The following MYO6 variants were observed in gnomAD, a reference collection of about 807,000 sequenced individuals.
The protein encoded by MYO6 is unconventional myosin-VI.
In MYO6, 74 loss-of-function variants were observed where a neutral mutation model predicts 178.7. That is an observed-to-expected ratio of 0.41 (90% CI 0.34 to 0.50). The LOEUF is 0.50. Among genes scored for constraint, MYO6 ranks in the 20% least tolerant of loss-of-function variants. MYO6 has a pLI of 0.09. For missense variants in MYO6, 1,330 were observed against 1,547.4 expected, an observed-to-expected ratio of 0.86 and a Z score of 2.36; for synonymous variants, 477 against 504.6, an observed-to-expected ratio of 0.95 and a Z score of 0.73.
intron 3 of MYO6, among the ~76,000 whole-genome samples, chr6:75,825,550 G>A (rs934907388): frequency 2.6e-5 from 4 of 152,154 alleles, no homozygotes; most frequent in Non-Finnish European, 4.4e-5. Flanking sequence ...CCGAGATCAC[G>A]CTGTTGCACT....
intron 1 of MYO6, among the ~76,000 whole-genome samples, chr6:75,783,478 G>A (rs899404710): frequency 6.6e-6 from 1 of 151,874 alleles, no homozygotes; most frequent in Non-Finnish European, 1.5e-5. Flanking sequence ...TGGCTCACAG[G>A]GTAGAGGTCT....
intron 18 of MYO6, among the ~76,000 whole-genome samples, chr6:75,870,037 C>T (rs985836727): frequency 6.6e-6 from 1 of 151,844 alleles, no homozygotes; most frequent in African/African-American, 2.4e-5. Flanking sequence ...TGGCGTGAAC[C>T]CGGGAGGTGG....
intron 26 of MYO6, among the ~76,000 whole-genome samples, chr6:75,890,502 G>A (rs1466736437): frequency 1.3e-5 from 2 of 152,020 alleles, no homozygotes; most frequent in Non-Finnish European, 2.9e-5. Flanking sequence ...GCACCACCAC[G>A]CCTGGCTAAT....
intron 20 of MYO6, among the ~76,000 whole-genome samples, chr6:75,877,956 G>A (rs1357625734): frequency 6.6e-6 from 1 of 152,102 alleles, no homozygotes; most frequent in Non-Finnish European, 1.5e-5. Context: ...CATTTCCAAA[G>A]GTACTTGTTT....
Position 75,840,307 on chromosome 6 carries a change from A to T in MYO6, c.554-278A>T, listed in dbSNP as rs558699279. 9.9e-5 allele frequency among the ~76,000 whole-genome samples: 15 copies of T among 151,934 alleles called. No individual in the cohort carries two copies. In the South Asian group the frequency reaches 1.7e-3, roughly 17 times the overall value. On this transcript the variant is annotated intron_variant, in intron 7 of 34. Coordinates refer to ENST00000369977, the MANE Select transcript of MYO6 (RefSeq NM_004999.4). ...CTCCCAAATAACTGGGATTACAGGC[A>T]TGCACCTCCACGCCTGGCTAATTTT...
At chr6:75,799,277 C>T (rs1769182550) in intron 1 of MYO6, among the ~76,000 whole-genome samples, 1 of 151,886 alleles carries the variant, frequency 6.6e-6, no homozygotes, top group Admixed American at 6.6e-5. Context: ...GTAATCCCAG[C>T]TACTAGGGAG....
chr6:75,895,812 G>A (rs753256619), intron 29 of MYO6, among the ~76,000 whole-genome samples: 4 of 151,892 alleles, frequency 2.6e-5, no homozygotes, highest in Non-Finnish European at 4.4e-5. Context: ...CACTGTGCCC[G>A]GCCTGTTTTA....
In MYO6 at chr6:75,855,199, G is replaced by T. The variant is rs1490446690; in HGVS notation, c.1139G>T (p.Gly380Val). The T allele has an allele frequency of 1.6e-5, 26 of 1,613,336 alleles. No individual in the cohort carries two copies. Among genetic ancestry groups the T allele is most frequent in the Non-Finnish European group, 2.0e-5 (24 of 1,179,558 alleles). Reference sequence around the variant, plus strand: ...TTGGAATATTGTGCTGAATTACTGGGTTTGGACCAAGATGATCTTCGAGTA... The same window carrying T: ...TTGGAATATTGTGCTGAATTACTGGTTTTGGACCAAGATGATCTTCGAGTA... Reference protein sequence around the residue: ...QSLEYCAELLGLDQDDLRVSL... With the variant: ...QSLEYCAELLVLDQDDLRVSL... Residue 380 changes from glycine (G) to valine (V), a missense_variant, in exon 12 of 35, where the codon GGT becomes GTT. Around this residue, in one of 3 missense-constraint regions of MYO6, gnomAD observed 613 missense variants for 816.8 expected, o/e 0.75. Coordinates refer to ENST00000369977, the MANE Select transcript of MYO6 (RefSeq NM_004999.4).
At chr6:75,781,712 G>A (rs1766997321) in intron 1 of MYO6, among the ~76,000 whole-genome samples, 1 of 152,030 alleles carries the variant, frequency 6.6e-6, no homozygotes, top group African/African-American at 2.4e-5. Context: ...ACGAGGTCAG[G>A]AGTTCAGAGA....
chr6:75,881,137 C>A (rs755893859), intron 22 of MYO6, among the ~76,000 whole-genome samples: 5 of 152,062 alleles, frequency 3.3e-5, no homozygotes, highest in Non-Finnish European at 5.9e-5. Flanking sequence ...CCTGTAATCT[C>A]AGCTACTTGG....
chr6:75,800,831 G>A (rs981288869), intron 1 of MYO6, among the ~76,000 whole-genome samples: 1 of 152,066 alleles, frequency 6.6e-6, no homozygotes, highest in South Asian at 2.1e-4. Context: ...AGCAGTTCTC[G>A]TGTGTCAGCC....
At chr6:75,773,118 G>A (rs987268528) in intron 1 of MYO6, among the ~76,000 whole-genome samples, 4 of 152,190 alleles carry the variant, frequency 2.6e-5, no homozygotes, top group Non-Finnish European at 4.4e-5. Flanking sequence ...ATAAACATGA[G>A]TGGTGAGAAT....
intron 30 of MYO6, among the ~76,000 whole-genome samples, chr6:75,898,844 A>G (rs1779513631): frequency 6.6e-6 from 1 of 152,226 alleles, no homozygotes; most frequent in African/African-American, 2.4e-5. Flanking sequence ...GGGGCTCTGC[A>G]CTGTGGCACA....
intron 24 of MYO6, 45 bp downstream of exon 24, chr6:75,886,139 C>G (rs759561458): frequency 1.6e-5 from 20 of 1,274,948 alleles, no homozygotes; most frequent in Non-Finnish European, 2.3e-5. Context: ...AACCTAGTTA[C>G]TGTAATACAA....
chr6:75,899,482 CAAAT>C (rs1779563509), intron 30 of MYO6, among the ~76,000 whole-genome samples: 1 of 151,804 alleles, frequency 6.6e-6, no homozygotes, highest in Non-Finnish European at 1.5e-5. Context: ...GTAGAAAAGA[CAAAT>C]AATATTTGAA....
intron 1 of MYO6, among the ~76,000 whole-genome samples, chr6:75,795,942 G>C (rs574363452): frequency 2.2e-4 from 33 of 152,144 alleles, no homozygotes; most frequent in African/African-American, 7.9e-4. Context: ...TTTTTAATGG[G>C]TTTATGACAC....
At chr6:75,753,441 ATG>A (rs763065617) in intron 1 of MYO6, among the ~76,000 whole-genome samples, 47 of 140,466 alleles carry the variant, frequency 3.3e-4, no homozygotes, top group South Asian at 1.6e-3. Context: ...TGATCTATAT[ATG>A]TGTGTGTGTG....
At position 75,861,104 on chromosome 6, in the gene MYO6, T is replaced by C; in HGVS notation, c.1546+9T>C. The C allele has an allele frequency of 6.3e-7, 1 of 1,594,772 alleles. No homozygotes were observed. Among genetic ancestry groups the C allele is most frequent in the Non-Finnish European group, 8.6e-7 (1 of 1,162,858 alleles). The stretch of plus-strand genomic sequence containing the variant: ...TAATCAGGACTGTATAGGTATGTGT[T>C]TTTTAACTCCACCTTTGAAAAATAT... On this transcript the variant is annotated intron_variant, in intron 15 of 34. Transcript: ENST00000369977.
intron 27 of MYO6, among the ~76,000 whole-genome samples, chr6:75,891,852 G>A (rs1387009701): frequency 6.6e-6 from 1 of 152,120 alleles, no homozygotes; most frequent in East Asian, 1.9e-4. Context: ...ATTATAGTGA[G>A]GAACTATGGG....
Sources: gnomAD v4.1 joint callset for allele counts (sites outside exome capture counted in the v4.1 genomes callset) on GRCh38, gnomAD v4.1.1 for gene constraint, gnomAD v4.1.1 regional missense constraint, MANE v1.5 for transcripts, NCBI Gene and HGNC (gene_info 2026-07-23, HGNC 2026-07-21) for gene names.